Variants in IMPDH1 observed in about 807,000 individuals in gnomAD.
IMPDH1 encodes the protein inosine monophosphate dehydrogenase 1.
IMPDH1 carries 41 observed loss-of-function variants against 73.5 expected under a neutral mutation model. That is an observed-to-expected ratio of 0.56 (90% CI 0.43 to 0.72). The LOEUF is 0.72. Among genes scored for constraint, IMPDH1 ranks in the 30% least tolerant of loss-of-function variants. IMPDH1 has a pLI of 0.00. For missense variants in IMPDH1, 645 were observed against 824.8 expected (o/e 0.78, Z 2.67); for synonymous variants, 318 against 334.3 (o/e 0.95, Z 0.53).
At chr7:128,400,685 GGCCCCA>G in intron 7 of IMPDH1, 126 bp downstream of exon 7, 1 of 1,178,780 alleles carries the variant, frequency 8.5e-7, no homozygotes, top group East Asian at 2.3e-5. Flanking sequence ...ATGAGGGCTC[GGCCCCA>G]AGGCTCCACT....
chr7:128,409,751 G>T lies in IMPDH1; in HGVS notation c.146+5C>A, dbSNP rs1311267613. On this transcript the variant is annotated splice_donor_5th_base_variant and intron_variant, in intron 1 of 16. Transcript: ENST00000338791. The stretch of plus-strand genomic sequence containing the variant: ...GCGCCCCGCGCGCTCTGCCCTGGGC[G>T]TCACCTCTCGGGCTCGTAGCCGGCC... 4 of 1,524,890 alleles carry T rather than the reference G, an allele frequency of 2.6e-6. No homozygotes were observed. In the Admixed American group the frequency reaches 6.0e-5, roughly 23 times the overall value. 94.5% of individuals were successfully genotyped at this position (1,524,890 alleles called of 1,614,324 possible).
At position 128,396,597 on chromosome 7, in the gene IMPDH1, C is replaced by A. The variant is rs966870873; in HGVS notation, c.1261+3G>T. 37 of 1,550,576 alleles carry A rather than the reference C, an allele frequency of 2.4e-5. No homozygotes were observed. Among genetic ancestry groups the A allele is most frequent in the African/African-American group, 4.1e-5 (3 of 73,136 alleles). On this transcript the variant is annotated splice_donor_region_variant and intron_variant, in intron 12 of 16. Transcript: ENST00000338791. This position sits in a 1 kb window ranked among gnomAD's most constrained non-coding sequence, Gnocchi z 4.0. ...GGGCACTCGCTCACCTCCTGACACC[C>A]ACCTTCCTGGGTGATGCAGATGGAG...
intron 9 of IMPDH1, among the ~76,000 whole-genome samples, 197 bp downstream of exon 9, chr7:128,399,898 G>T (rs889962498): frequency 2.0e-5 from 3 of 152,186 alleles, no homozygotes; most frequent in African/African-American, 7.2e-5. Context: ...ATACTATGAA[G>T]ATGCTGCACT....
At chr7:128,399,894 T>C (rs575123392) in intron 9 of IMPDH1, among the ~76,000 whole-genome samples, 2 of 152,322 alleles carry the variant, frequency 1.3e-5, no homozygotes, top group African/African-American at 2.4e-5. Flanking sequence ...AAACATACTA[T>C]GAAGATGCTG....
Position 128,400,616 on chromosome 7 carries a change from G to A in IMPDH1, c.580-77C>T. On this transcript the variant is annotated intron_variant, in intron 7 of 16. Coordinates refer to ENST00000338791, the MANE Select transcript of IMPDH1 (RefSeq NM_000883.4). ...TCCAGGCTGGCCACAGGGAACAGAG[G>A]ATGCAGCTGTGCTGCAGAGAAGCCA... The A allele has an allele frequency of 2.1e-6, 3 of 1,423,592 alleles. No individual in the cohort carries two copies. In the South Asian group the frequency reaches 3.5e-5, roughly 17 times the overall value. 88.2% of individuals were successfully genotyped at this position (1,423,592 alleles called of 1,614,324 possible).
intron 7 of IMPDH1, 34 bp downstream of exon 7, chr7:128,400,783 G>A: frequency 6.3e-7 from 1 of 1,590,306 alleles, no homozygotes; most frequent in Non-Finnish European, 8.6e-7. Flanking sequence ...GGACTGCCAG[G>A]TGGCATCTTG....
intron 3 of IMPDH1, among the ~76,000 whole-genome samples, chr7:128,406,686 T>G (rs1472311568): frequency 6.6e-6 from 1 of 152,022 alleles, no homozygotes; most frequent in African/African-American, 2.4e-5. Flanking sequence ...AAATCTATAG[T>G]TCGGAAAGGA....
At chr7:128,405,888 G>A (rs1316409133) in intron 3 of IMPDH1, 23 bp from the exon 4 acceptor site, 2 of 1,502,626 alleles carry the variant, frequency 1.3e-6, no homozygotes, top group East Asian at 2.8e-5. Flanking sequence ...CCCGCGACCC[G>A]ACATAAACAC....
At position 128,396,107 on chromosome 7, in the gene IMPDH1, T is replaced by C. The variant is rs1401608782; in HGVS notation, c.1261+493A>G. On this transcript the variant is annotated intron_variant, in intron 12 of 16. Coordinates refer to ENST00000338791, the MANE Select transcript of IMPDH1 (RefSeq NM_000883.4). This position sits in a 1 kb window ranked among gnomAD's most constrained non-coding sequence, Gnocchi z 4.0. ...ATACCAGCCTCCAGGGAGCACCTCC[T>C]CAATAACCACATGGGGGACACATGC... 6.6e-6 allele frequency among the ~76,000 whole-genome samples: 1 copy of C among 152,062 alleles called. No individual in the cohort carries two copies. Among genetic ancestry groups the C allele is most frequent in the African/African-American group, 2.4e-5 (1 of 41,382 alleles).
Position 128,400,860 on chromosome 7 carries a change from T to C in IMPDH1, c.536A>G (p.Asn179Ser), listed in dbSNP as rs1317677279. The C allele has an allele frequency of 6.2e-7, 1 of 1,614,208 alleles. No individual in the cohort carries two copies. ...LMGGIGFIHH[N>S]CTPEFQANEV... ...GTTGGCCTGGAACTCTGGGGTGCAGTTGTGGTGAATGAAACCAATACCTCC... is the reference window on the plus strand; with the variant it reads ...GTTGGCCTGGAACTCTGGGGTGCAGCTGTGGTGAATGAAACCAATACCTCC... Residue 179 changes from asparagine to serine, a missense_variant, in exon 7 of 17, where the codon AAC becomes AGC. By Grantham distance (46) the Asn-to-Ser change is conservative. This residue lies in a region of IMPDH1 where 459 missense variants were observed against 638.2 expected (regional missense o/e 0.72). Coordinates refer to ENST00000338791, the MANE Select transcript of IMPDH1 (RefSeq NM_000883.4).
intron 16 of IMPDH1, 87 bp from the exon 17 acceptor site, chr7:128,393,115 T>C (rs1453258674): frequency 7.0e-7 from 1 of 1,428,210 alleles, no homozygotes; most frequent in East Asian, 2.3e-5. Context: ...CCCCCAGATG[T>C]AGGAGAGAAC....
intron 4 of IMPDH1, among the ~76,000 whole-genome samples, chr7:128,405,102 AG>A (rs1330280159): frequency 6.6e-6 from 1 of 152,232 alleles, no homozygotes; most frequent in Non-Finnish European, 1.5e-5. Flanking sequence ...AGCTAGTGCC[AG>A]GCCTGCAGCA....
At chr7:128,408,174 G>A (rs1390372913) in intron 3 of IMPDH1, among the ~76,000 whole-genome samples, 3 of 152,182 alleles carry the variant, frequency 2.0e-5, no homozygotes, top group African/African-American at 7.2e-5. Context: ...TGTGGGGATA[G>A]GAAGGCAGGT....
chr7:128,393,025 G>GT lies in IMPDH1; in HGVS notation c.1781dup (p.Tyr594Ter). 6.2e-7 allele frequency: 1 copy of GT among 1,613,892 alleles called. No individual in the cohort carries two copies. The highest frequency in any genetic ancestry group is 8.5e-7 in the Non-Finnish European group (1 of 1,179,840). The change falls in exon 17 of 17, where the codon TAC (tyrosine) becomes TAAC (stop). Residue 594 changes from tyrosine (Y) to a stop codon, truncating the protein, a stop_gained and frameshift_variant. Transcript: ENST00000338791. LOFTEE classifies it high-confidence loss of function. ...IEGGVHGLHS[Y>*]EKRLY The stretch of plus-strand genomic sequence containing the variant: ...GCTGTCCTCAGTACAGCCGCTTTTC[G>GT]TAACTGTGGGGACAAGGCAAGAGGG...
At position 128,401,220 on chromosome 7, in the gene IMPDH1, G is replaced by A; in HGVS notation, c.403-104C>T. ...CACCAGGACAGGCCCTGGGGACATG[G>A]CAGTGAACAAGGTGGATGAGTTCCC... On this transcript the variant is annotated intron_variant, in intron 5 of 16. Coordinates refer to ENST00000338791, the MANE Select transcript of IMPDH1 (RefSeq NM_000883.4). 6 of 806,876 alleles carry A rather than the reference G, an allele frequency of 7.4e-6. No individual in the cohort carries two copies. The South Asian group carries it at 8.5e-5, about 11-fold the overall frequency. The allele number at this position is 806,876 out of a possible 1,614,324, so 50.0% of individuals were successfully genotyped here.
intron 9 of IMPDH1, 21 bp downstream of exon 9, chr7:128,400,074 T>A: frequency 6.3e-7 from 1 of 1,586,868 alleles, no homozygotes; most frequent in Non-Finnish European, 8.6e-7. Context: ...GGGGTTGAGT[T>A]TTCAACTAGC....
chr7:128,394,725 C>A lies in IMPDH1; in HGVS notation c.1551-126G>T. Reference sequence around the variant, plus strand: ...CAGGCCACCCCTCACTGGGCTGAGTCAGATGGCCCAGGGACAGATCCTGGG... The same window carrying A: ...CAGGCCACCCCTCACTGGGCTGAGTAAGATGGCCCAGGGACAGATCCTGGG... On this transcript the variant is annotated intron_variant, in intron 14 of 16. Transcript: ENST00000338791. The surrounding 1 kb of genome is among the most constrained non-coding windows in gnomAD (Gnocchi z 5.5). 1 of 1,402,744 alleles carries A rather than the reference C, an allele frequency of 7.1e-7. No individual in the cohort carries two copies. The highest frequency in any genetic ancestry group is 1.2e-5 in the South Asian group (1 of 85,318). 86.9% of individuals were successfully genotyped at this position (1,402,744 alleles called of 1,614,324 possible).
At chr7:128,405,682 C>CG in intron 4 of IMPDH1, 85 bp downstream of exon 4, 2 of 1,472,564 alleles carry the variant, frequency 1.4e-6, no homozygotes, top group South Asian at 1.3e-5. Context: ...CAGGGAACGC[C>CG]GGGGGAGCCG....
intron 4 of IMPDH1, 131 bp from the exon 5 acceptor site, chr7:128,403,885 C>T: frequency 1.3e-6 from 1 of 791,298 alleles, no homozygotes; most frequent in East Asian, 2.6e-5. Flanking sequence ...CCCCCCATCC[C>T]TACTGCCCCA....
Sources: allele counts gnomAD v4.1 joint callset (sites outside exome capture counted in the v4.1 genomes callset), GRCh38; gene constraint gnomAD v4.1.1; regional missense constraint gnomAD v4.1.1; non-coding constraint Gnocchi (gnomAD v3.1); transcripts MANE v1.5; gene names NCBI Gene and HGNC (gene_info 2026-07-23, HGNC 2026-07-21).